ADGRL2: variants seen among roughly 807,000 people sequenced by gnomAD.
ADGRL2 encodes the protein adhesion G protein-coupled receptor L2.
Under a neutral mutation model 157.4 loss-of-function variants are expected in ADGRL2, and 44 were observed. The ratio of observed to expected loss-of-function variants is 0.28; its 90% CI spans 0.22 to 0.36. The LOEUF is 0.36. Among genes scored for constraint, ADGRL2 ranks in the 10% least tolerant of loss-of-function variants. The probability of loss-of-function intolerance (pLI) is 1.00; values close to 1 mark genes in which losing one functional copy is unlikely to be tolerated. For synonymous variants in ADGRL2, 585 were observed against 624.7 expected (o/e 0.94, Z 0.95); for missense variants, 1,510 against 1,768.9 (o/e 0.85, Z 2.63).
At chr1:81,524,025 A>G (rs1028845673) in intron 2 of ADGRL2, among the ~76,000 whole-genome samples, 4 of 151,192 alleles carry the variant, frequency 2.6e-5, no homozygotes, top group African/African-American at 7.3e-5. Context: ...AGATTGCGAT[A>G]TTGCACTCCA....
chr1:81,333,700 G>C (rs535011167), intron 1 of ADGRL2, among the ~76,000 whole-genome samples: 2 of 150,366 alleles, frequency 1.3e-5, no homozygotes, highest in East Asian at 3.9e-4. Context: ...ACAGGCATGA[G>C]CCACAGAACC....
chr1:81,749,962 T>C (rs1394335567), intron 1 of ADGRL2, among the ~76,000 whole-genome samples: 1 of 152,196 alleles, frequency 6.6e-6, no homozygotes, highest in Non-Finnish European at 1.5e-5. Context: ...AATTGGGTTT[T>C]TACTAAAATT....
chr1:81,546,297 G>A (rs959344649), intron 2 of ADGRL2, among the ~76,000 whole-genome samples: 2 of 152,054 alleles, frequency 1.3e-5, no homozygotes, highest in African/African-American at 2.4e-5. Context: ...ATTTTATTTG[G>A]GAACGCAAAG....
chr1:81,695,714 G>A (rs963957499), upstream of ADGRL2, among the ~76,000 whole-genome samples: 1 of 151,972 alleles, frequency 6.6e-6, no homozygotes, highest in Non-Finnish European at 1.5e-5. Flanking sequence ...CCAGCTACTC[G>A]GGAGGCTGAG....
intron 2 of ADGRL2, among the ~76,000 whole-genome samples, chr1:81,900,285 G>A (rs932106799): frequency 3.9e-5 from 6 of 152,032 alleles, no homozygotes; most frequent in African/African-American, 1.4e-4. Flanking sequence ...CAACAAACGG[G>A]GAAACATTAT....
chr1:81,677,254 G>C (rs1244888557), intron 3 of ADGRL2, among the ~76,000 whole-genome samples: 6 of 152,050 alleles, frequency 3.9e-5, no homozygotes, highest in African/African-American at 1.5e-4. Context: ...CAAAGTGCTG[G>C]GATTATAGGC....
intron 2 of ADGRL2, among the ~76,000 whole-genome samples, chr1:81,773,222 G>A (rs1365428060): frequency 6.6e-6 from 1 of 152,170 alleles, no homozygotes; most frequent in Admixed American, 6.5e-5. Flanking sequence ...ACTTCCTAGG[G>A]ATCCATGAAC....
intron 1 of ADGRL2, among the ~76,000 whole-genome samples, chr1:81,363,822 A>G (rs956395205): frequency 3.3e-5 from 5 of 152,232 alleles, no homozygotes; most frequent in African/African-American, 7.2e-5. Flanking sequence ...TTCTGCTTCT[A>G]TACATTGTAC....
chr1:81,954,209 A>T (rs1037488771), intron 10 of ADGRL2, among the ~76,000 whole-genome samples: 9 of 143,114 alleles, frequency 6.3e-5, no homozygotes, highest in African/African-American at 2.2e-4. Context: ...TTGGAAAAGA[A>T]TAGCTTTTTT....
intron 2 of ADGRL2, among the ~76,000 whole-genome samples, chr1:81,895,784 C>T (rs910254128): frequency 2.6e-5 from 4 of 152,016 alleles, no homozygotes; most frequent in African/African-American, 7.2e-5. Context: ...AATACAACAA[C>T]GTATTAACTA....
At chr1:81,705,543 G>A (rs919348527) in intron 1 of ADGRL2, among the ~76,000 whole-genome samples, 9 of 151,816 alleles carry the variant, frequency 5.9e-5, no homozygotes, top group South Asian at 2.1e-4. Context: ...CCATGCGCCC[G>A]GCTGGGAGCA....
chr1:81,529,163 G>A (rs1372496601), intron 2 of ADGRL2, among the ~76,000 whole-genome samples: 2 of 152,350 alleles, frequency 1.3e-5, no homozygotes, highest in Middle Eastern at 3.4e-3. Context: ...CCTGGCCGTG[G>A]TGGGAGGATA....
intron 2 of ADGRL2, among the ~76,000 whole-genome samples, chr1:81,775,009 G>C (rs915737396): frequency 2.6e-5 from 4 of 152,062 alleles, no homozygotes; most frequent in Non-Finnish European, 5.9e-5. Context: ...TTTGGAAAAA[G>C]CTGGCAGAAA....
At chr1:81,706,984 G>C (rs997798808) in intron 1 of ADGRL2, among the ~76,000 whole-genome samples, 3 of 152,238 alleles carry the variant, frequency 2.0e-5, no homozygotes, top group African/African-American at 7.2e-5. Context: ...AAGCTTTCTA[G>C]GGGTTTAGCC....
intron 2 of ADGRL2, among the ~76,000 whole-genome samples, chr1:81,486,889 A>G (rs1272290401): frequency 6.6e-6 from 1 of 152,194 alleles, no homozygotes; most frequent in Non-Finnish European, 1.5e-5. Context: ...AGACTTTACA[A>G]ATGTAGCAGG....
At chr1:81,400,043 T>G (rs1366253479) in intron 1 of ADGRL2, among the ~76,000 whole-genome samples, 1 of 152,178 alleles carries the variant, frequency 6.6e-6, no homozygotes, top group Non-Finnish European at 1.5e-5. Context: ...TAAGCTATAT[T>G]CAACATTAAC....
chr1:81,415,905 A>G (rs1056884030), intron 1 of ADGRL2, among the ~76,000 whole-genome samples: 6 of 148,928 alleles, frequency 4.0e-5, no homozygotes, highest in African/African-American at 7.5e-5. Context: ...CAGTGGTGCG[A>G]TCTCAGCTCA....
intron 1 of ADGRL2, among the ~76,000 whole-genome samples, chr1:81,823,831 T>C (rs2091224074): frequency 6.6e-6 from 1 of 152,078 alleles, no homozygotes; most frequent in Non-Finnish European, 1.5e-5. Flanking sequence ...AGTAAGCTTC[T>C]ATGACCCAAG....
At chr1:81,375,604 C>T (rs533622695) in intron 1 of ADGRL2, among the ~76,000 whole-genome samples, 1 of 152,196 alleles carries the variant, frequency 6.6e-6, no homozygotes, top group African/African-American at 2.4e-5. Flanking sequence ...ATGCTTCTAG[C>T]ATTCTACTAT....
Sources: allele counts gnomAD v4.1 joint callset (sites outside exome capture counted in the v4.1 genomes callset), GRCh38; gene constraint gnomAD v4.1.1; transcripts MANE v1.5; gene names NCBI Gene and HGNC (gene_info 2026-07-23, HGNC 2026-07-21).